Variants in WDFY2 observed in about 807,000 individuals in gnomAD.
WDFY2 encodes WD repeat and FYVE domain-containing protein 2.
In WDFY2, 36 loss-of-function variants were observed where a neutral mutation model predicts 56.4. The observed-to-expected ratio is 0.64, with a 90% confidence interval of 0.49 to 0.84. The LOEUF (loss-of-function observed/expected upper bound fraction) is 0.84, where lower values mean the gene tolerates loss of function less well. WDFY2 is among the 40% of genes least tolerant of loss of function. The probability of loss-of-function intolerance (pLI) is 0.00; values close to 1 mark genes in which losing one functional copy is unlikely to be tolerated. For synonymous variants in WDFY2, 176 were observed against 183.7 expected (o/e 0.96, Z 0.34); for missense variants, 444 against 512.2 (o/e 0.87, Z 1.29).
Position 51,667,879 on chromosome 13 carries a change from C to CTTTTTTTTTTTTTTTTT in WDFY2, c.205+7230_205+7246dup, listed in dbSNP as rs66771214. ...GAAGAAAAAGGTACCTGAGGAACTT[C>CTTTTTTTTTTTTTTTTT]TTTTTTTTTTTTTTTTTTTTTTTTT... is the stretch of plus-strand genomic sequence containing the variant. On this transcript the variant is annotated intron_variant, in intron 2 of 11. Coordinates refer to ENST00000298125, the MANE Select transcript of WDFY2 (RefSeq NM_052950.4). Among the ~76,000 whole-genome samples, 45 of 50,048 alleles carry CTTTTTTTTTTTTTTTTT rather than the reference C, an allele frequency of 9.0e-4. 5 individuals are homozygous for CTTTTTTTTTTTTTTTTT. The highest frequency in any genetic ancestry group is 2.1e-3 in the African/African-American group (21 of 10,028). The allele number at this position is 50,048 out of a possible 152,430, so 32.8% of individuals were successfully genotyped here.
chr13:51,656,051 C>A (rs898788183), intron 1 of WDFY2, among the ~76,000 whole-genome samples: 1 of 147,002 alleles, frequency 6.8e-6, no homozygotes, highest in Non-Finnish European at 1.5e-5. Context: ...CTCTATCTTT[C>A]CCTTTTTTTT....
chr13:51,684,242 A>T (rs142801792), intron 3 of WDFY2, among the ~76,000 whole-genome samples: 122 of 152,188 alleles, frequency 8.0e-4, no homozygotes, highest in African/African-American at 2.8e-3. Context: ...TGTTTCCTGG[A>T]TTGGAGAGAA....
intron 8 of WDFY2, among the ~76,000 whole-genome samples, chr13:51,753,773 CTG>C (rs377762638): frequency 6.6e-6 from 1 of 151,328 alleles, no homozygotes; most frequent in Non-Finnish European, 1.5e-5. Context: ...GTATGTGTGT[CTG>C]TGTGTGTGTT....
chr13:51,661,943 T>A (rs538317098), intron 2 of WDFY2, among the ~76,000 whole-genome samples: 1 of 151,184 alleles, frequency 6.6e-6, no homozygotes, highest in Non-Finnish European at 1.5e-5. Context: ...ATTCTCTAGG[T>A]TTTTTTTTCC....
chr13:51,739,012 C>A, intron 6 of WDFY2, 37 bp from the exon 7 acceptor site: 1 of 1,521,966 alleles, frequency 6.6e-7, no homozygotes, highest in Non-Finnish European at 8.8e-7. Context: ...AAGAGTCTTA[C>A]CTTGTGACTG....
intron 2 of WDFY2, among the ~76,000 whole-genome samples, chr13:51,669,032 T>C (rs1955762881): frequency 6.6e-6 from 1 of 152,226 alleles, no homozygotes; most frequent in African/African-American, 2.4e-5. Context: ...AAGGGCAATT[T>C]TAAAAATACC....
rs556786417 is a variant in WDFY2, at chr13:51,738,505, C to T, written c.599-544C>T. 2.0e-5 allele frequency among the ~76,000 whole-genome samples: 3 copies of T among 152,280 alleles called. No individual in the cohort carries two copies. In the South Asian group the frequency reaches 6.2e-4, roughly 32 times the overall value. ...TGGTGTTACCATCATCTGCATTTTACAGTTGAGGAAACTGACATTTAAGAA... is the reference window on the plus strand; with the variant it reads ...TGGTGTTACCATCATCTGCATTTTATAGTTGAGGAAACTGACATTTAAGAA... On this transcript the variant is annotated intron_variant, in intron 6 of 11. Coordinates refer to ENST00000298125, the MANE Select transcript of WDFY2 (RefSeq NM_052950.4).
intron 2 of WDFY2, among the ~76,000 whole-genome samples, chr13:51,665,269 G>C (rs1369658207): frequency 2.0e-5 from 3 of 152,310 alleles, no homozygotes; most frequent in East Asian, 3.9e-4. Flanking sequence ...TCCCCTTGGT[G>C]TATCTTACGT....
chr13:51,628,853 A>C (rs1954893393), intron 1 of WDFY2, among the ~76,000 whole-genome samples: 1 of 152,248 alleles, frequency 6.6e-6, no homozygotes. Context: ...CATAACTTTA[A>C]GATTGAGCAG....
intron 2 of WDFY2, among the ~76,000 whole-genome samples, chr13:51,673,101 A>G (rs926673306): frequency 6.6e-6 from 1 of 152,244 alleles, no homozygotes; most frequent in Non-Finnish European, 1.5e-5. Flanking sequence ...ATTGTAGGAC[A>G]TGCCTTGAAC....
chr13:51,691,166 A>G (rs1956148212), intron 3 of WDFY2, among the ~76,000 whole-genome samples: 1 of 151,988 alleles, frequency 6.6e-6, no homozygotes, highest in African/African-American at 2.4e-5. Context: ...CTCTGATGGT[A>G]GTTTCTTTTG....
At position 51,739,170 on chromosome 13, in the gene WDFY2, A is replaced by G. The variant is rs1392202628; in HGVS notation, c.720A>G (p.Gly240=). The G allele has an allele frequency of 2.5e-6, 4 of 1,586,978 alleles. No individual in the cohort carries two copies. Among genetic ancestry groups the G allele is most frequent in the Non-Finnish European group, 3.4e-6 (4 of 1,167,116 alleles). The change falls in exon 7 of 12, where the codon GGA becomes GGG. Residue 240 remains glycine (G), a synonymous_variant. Transcript: ENST00000298125. ...AAGGAACAGCCATCGAGCTCCAAGG[A>G]CACAAGTAAGGTTGCTGGTGCTTTC... ...GRKGTAIELQ[G]HNDRVQALSY... is the part of the protein sequence containing the mutation.
intron 1 of WDFY2, chr13:51,585,995 C>A: frequency 2.5e-6 from 1 of 398,456 alleles, no homozygotes; most frequent in Non-Finnish European, 4.4e-6. Context: ...ATGCTCAATA[C>A]AAATGGCGCC....
intron 5 of WDFY2, among the ~76,000 whole-genome samples, chr13:51,719,911 C>T (rs1249944205): frequency 1.3e-5 from 2 of 152,050 alleles, no homozygotes; most frequent in East Asian, 3.9e-4. Context: ...ATTTTTGTCC[C>T]CCTGATTGCC....
At position 51,635,624 on chromosome 13, in the gene WDFY2, A is replaced by T. The variant is rs1955033253; in HGVS notation, c.138-24972A>T. Among the ~76,000 whole-genome samples the T allele has an allele frequency of 2.0e-5, 3 of 152,184 alleles. No homozygotes were observed. The South Asian group carries it at 6.2e-4, about 32-fold the overall frequency. Reference sequence around the variant, plus strand: ...ATGGTAAGGCTTAGGCTTTCGAGTCAAACTCCCGGGAGGAACTCCTGGTTC... The same window carrying T: ...ATGGTAAGGCTTAGGCTTTCGAGTCTAACTCCCGGGAGGAACTCCTGGTTC... On this transcript the variant is annotated intron_variant, in intron 1 of 11. Coordinates refer to ENST00000298125, the MANE Select transcript of WDFY2 (RefSeq NM_052950.4).
chr13:51,670,400 G>T (rs1055240252), intron 2 of WDFY2, among the ~76,000 whole-genome samples: 2 of 151,930 alleles, frequency 1.3e-5, no homozygotes, highest in Non-Finnish European at 2.9e-5. Flanking sequence ...TGATCTACCA[G>T]GGGCCAATCC....
chr13:51,657,329 T>C (rs1043222212), intron 1 of WDFY2, among the ~76,000 whole-genome samples: 3 of 152,156 alleles, frequency 2.0e-5, no homozygotes, highest in Admixed American at 6.5e-5. Flanking sequence ...TATACAGTGA[T>C]ACTTACTTTT....
At chr13:51,661,798 T>G (rs1409425450) in intron 2 of WDFY2, among the ~76,000 whole-genome samples, 1 of 152,228 alleles carries the variant, frequency 6.6e-6, no homozygotes, top group Admixed American at 6.5e-5. Context: ...AGAAACTTCT[T>G]GTAATTCCGA....
At chr13:51,661,609 A>C (rs1486398713) in intron 2 of WDFY2, among the ~76,000 whole-genome samples, 1 of 152,218 alleles carries the variant, frequency 6.6e-6, no homozygotes, top group Non-Finnish European at 1.5e-5. Context: ...CTGGCAAAAG[A>C]GTACTGTAAT....
Sources: gnomAD v4.1 joint callset for allele counts (sites outside exome capture counted in the v4.1 genomes callset) on GRCh38, gnomAD v4.1.1 for gene constraint, MANE v1.5 for transcripts, NCBI Gene and HGNC (gene_info 2026-07-23, HGNC 2026-07-21) for gene names.